The following CADM2 variants were observed in gnomAD, a reference collection of about 807,000 sequenced individuals.
CADM2 encodes the protein cell adhesion molecule 2.
CADM2 carries 12 observed loss-of-function variants against 49.8 expected under a neutral mutation model. The ratio of observed to expected loss-of-function variants is 0.24; its 90% confidence interval spans 0.15 to 0.39. CADM2 has a LOEUF of 0.39. Ranked by LOEUF, CADM2 falls within the 10% of genes least tolerant of loss-of-function variation. The pLI is 1.00. For synonymous variants in CADM2, 214 were observed against 175.4 expected (o/e 1.22, Z -1.74); for missense variants, 378 against 492.3 (o/e 0.77, Z 2.20).
chr3:85,413,104 G>A (rs377288055), intron 1 of CADM2, among the ~76,000 whole-genome samples: 9 of 116,302 alleles, frequency 7.7e-5, no homozygotes, highest in Admixed American at 1.3e-4. Context: ...TCGCACCACT[G>A]CACTCCAGCC....
chr3:84,973,604 G>C (rs2031614928), intron 1 of CADM2, among the ~76,000 whole-genome samples: 1 of 152,094 alleles, frequency 6.6e-6, no homozygotes, highest in African/African-American at 2.4e-5. Flanking sequence ...GGGAATGTAG[G>C]GGAGAAGAGG....
At chr3:85,538,831 G>C (rs2061478902) in intron 1 of CADM2, among the ~76,000 whole-genome samples, 1 of 152,088 alleles carries the variant, frequency 6.6e-6, no homozygotes. Flanking sequence ...TGGGATACAG[G>C]AAAGAGTGCC....
chr3:85,366,059 A>G (rs920880173), intron 1 of CADM2, among the ~76,000 whole-genome samples: 2 of 152,194 alleles, frequency 1.3e-5, no homozygotes, highest in African/African-American at 4.8e-5. Context: ...TCTTAGAAGT[A>G]CAAGTAAATA....
chr3:85,897,448 T>C (rs1715400016), intron 5 of CADM2, among the ~76,000 whole-genome samples: 1 of 148,482 alleles, frequency 6.7e-6, no homozygotes, highest in Non-Finnish European at 1.5e-5. Flanking sequence ...TTTTTGTATT[T>C]TTAGTAGAGA....
chr3:85,160,263 T>C lies in CADM2; in HGVS notation c.61+200595T>C, dbSNP rs1020033233. On this transcript the variant is annotated intron_variant, in intron 1 of 9. Coordinates refer to ENST00000383699, the MANE Select transcript of CADM2 (RefSeq NM_001167675.2). ...AAATTTCTTCCCAAACCCAAAATTA[T>C]TCATTTTTTTTCTTATAGCTCCATT... 3.3e-5 allele frequency among the ~76,000 whole-genome samples: 5 copies of C among 152,200 alleles called. 1 individual carries two copies. Among genetic ancestry groups the C allele is most frequent in the Non-Finnish European group, 1.5e-5 (1 of 68,014 alleles).
rs1739613113 is a variant in CADM2 at position 86,069,029 on chromosome 3, A to C, written c.*2246A>C. 6.6e-6 allele frequency: 1 copy of C among 151,984 alleles called. No homozygotes were observed. The highest frequency in any genetic ancestry group is 1.5e-5 in the Non-Finnish European group (1 of 67,860). The allele number at this position is 151,984 out of a possible 1,614,324, so 9.4% of individuals were successfully genotyped here. ...TTCATCCTGTTAGTACAAAATGGAA[A>C]GGTTCTTATTACAGAAGTAAGTTGT... On this transcript the variant is annotated 3_prime_UTR_variant, in exon 10 of 10. Coordinates refer to ENST00000383699, the MANE Select transcript of CADM2 (RefSeq NM_001167675.2).
chr3:85,009,185 A>G (rs1437758853), intron 1 of CADM2, among the ~76,000 whole-genome samples: 1 of 152,212 alleles, frequency 6.6e-6, no homozygotes, highest in Non-Finnish European at 1.5e-5. Flanking sequence ...TTCTTCTAGC[A>G]TATGATGCTT....
At chr3:85,038,152 A>G (rs1366773869) in intron 1 of CADM2, among the ~76,000 whole-genome samples, 9 of 152,156 alleles carry the variant, frequency 5.9e-5, no homozygotes, top group Non-Finnish European at 1.2e-4. Context: ...TTGAAAATTC[A>G]GTTCAATTTC....
chr3:85,382,446 T>C (rs1172916732), intron 1 of CADM2, among the ~76,000 whole-genome samples: 1 of 152,154 alleles, frequency 6.6e-6, no homozygotes, highest in Non-Finnish European at 1.5e-5. Context: ...GCCCTATTAA[T>C]AGTCTAAAAG....
intron 1 of CADM2, among the ~76,000 whole-genome samples, chr3:85,404,756 G>A (rs1338391663): frequency 1.3e-5 from 2 of 151,482 alleles, no homozygotes; most frequent in Non-Finnish European, 1.5e-5. Context: ...TTTTACTAAT[G>A]CAATATTTAT....
chr3:85,131,120 A>C (rs6549016), intron 1 of CADM2, among the ~76,000 whole-genome samples: 66,950 of 151,950 alleles, frequency 0.44, 15,885 homozygotes, highest in Non-Finnish European at 0.54. Context: ...TAGAGGTAGC[A>C]GCGAGCCAAG....
At chr3:85,371,143 G>A (rs1248503911) in intron 1 of CADM2, among the ~76,000 whole-genome samples, 1 of 152,030 alleles carries the variant, frequency 6.6e-6, no homozygotes, top group Non-Finnish European at 1.5e-5. Context: ...TATTATTAAA[G>A]ATAGAAAATT....
rs2061835011 is a variant in CADM2 at position 85,552,415 on chromosome 3, T to C, written c.62-174107T>C. On this transcript the variant is annotated intron_variant, in intron 1 of 9. Coordinates refer to ENST00000383699, the MANE Select transcript of CADM2 (RefSeq NM_001167675.2). Reference sequence around the variant, plus strand: ...TTTTTTTGAGACGTAGGTTTTGCTCTTGTTGCCCAGGCTGGAGTGCAGTGG... The same window carrying C: ...TTTTTTTGAGACGTAGGTTTTGCTCCTGTTGCCCAGGCTGGAGTGCAGTGG... Among the ~76,000 whole-genome samples the C allele has an allele frequency of 3.0e-5, 4 of 132,600 alleles. No individual in the cohort carries two copies. In the South Asian group the frequency reaches 7.5e-4, roughly 25 times the overall value. 87.0% of individuals were successfully genotyped at this position (132,600 alleles called of 152,430 possible).
chr3:85,010,077 A>G (rs1313634297), intron 1 of CADM2, among the ~76,000 whole-genome samples: 1 of 152,090 alleles, frequency 6.6e-6, no homozygotes, highest in Non-Finnish European at 1.5e-5. Flanking sequence ...TCATGAATAG[A>G]GAATACCCCA....
chr3:85,310,573 G>A (rs1358858085), intron 1 of CADM2, among the ~76,000 whole-genome samples: 2 of 152,154 alleles, frequency 1.3e-5, no homozygotes, highest in Non-Finnish European at 2.9e-5. Flanking sequence ...ACTTTAGGCA[G>A]CAGAATCCCT....
intron 1 of CADM2, among the ~76,000 whole-genome samples, chr3:85,082,874 A>G (rs555778826): frequency 6.6e-6 from 1 of 152,234 alleles, no homozygotes; most frequent in South Asian, 2.1e-4. Flanking sequence ...TTCCTAAAAC[A>G]CACGCTAGCT....
At chr3:85,303,646 A>G (rs1323152649) in intron 1 of CADM2, among the ~76,000 whole-genome samples, 1 of 151,984 alleles carries the variant, frequency 6.6e-6, no homozygotes, top group African/African-American at 2.4e-5. Flanking sequence ...TCTTTAAGAA[A>G]AGAGAACATT....
At chr3:85,841,142 A>G (rs2074620345) in intron 3 of CADM2, among the ~76,000 whole-genome samples, 1 of 148,770 alleles carries the variant, frequency 6.7e-6, no homozygotes, top group South Asian at 2.1e-4. Context: ...TTATATTATA[A>G]ACTCTTGATA....
At chr3:85,895,386 C>G (rs1715087858) in intron 5 of CADM2, among the ~76,000 whole-genome samples, 1 of 152,164 alleles carries the variant, frequency 6.6e-6, no homozygotes, top group Admixed American at 6.5e-5. Context: ...CCAATTTCTC[C>G]CATTTGGAAC....
Sources: gnomAD v4.1 joint callset for allele counts (sites outside exome capture counted in the v4.1 genomes callset) on GRCh38, gnomAD v4.1.1 for gene constraint, MANE v1.5 for transcripts, NCBI Gene and HGNC (gene_info 2026-07-23, HGNC 2026-07-21) for gene names.